Variants in DNAH3 observed in about 807,000 individuals in gnomAD.
The protein encoded by DNAH3 is dynein axonemal heavy chain 3.
In DNAH3, 332 loss-of-function variants were observed where a neutral mutation model predicts 432.5. The ratio of observed to expected loss-of-function variants is 0.77; its 90% CI spans 0.70 to 0.84. The LOEUF (loss-of-function observed/expected upper bound fraction) is 0.84. Ranked by LOEUF, DNAH3 falls within the 40% of genes least tolerant of loss-of-function variation. The pLI is 0.00. For synonymous variants in DNAH3, 1,956 were observed against 1,900.2 expected (o/e 1.03, Z -0.76); for missense variants, 4,861 against 5,114.0 (o/e 0.95, Z 1.51).
chr16:21,151,951 T>C (rs1240243186), intron 1 of DNAH3, among the ~76,000 whole-genome samples: 1 of 151,974 alleles, frequency 6.6e-6, no homozygotes, highest in Non-Finnish European at 1.5e-5. Context: ...CTGAGAGATA[T>C]GGGCCAGGTA....
chr16:21,067,451 A>G (rs1417117329), intron 23 of DNAH3, 32 bp from the exon 24 acceptor site: 4 of 1,611,472 alleles, frequency 2.5e-6, no homozygotes, highest in East Asian at 2.2e-5. Flanking sequence ...GAGACTCATC[A>G]TAAGGTTCCC....
At chr16:20,957,832 A>C (rs1327513415) in intron 54 of DNAH3, among the ~76,000 whole-genome samples, 1 of 83,768 alleles carries the variant, frequency 1.2e-5, no homozygotes, top group Non-Finnish European at 2.6e-5. Context: ...AAAAAAAAAA[A>C]AAAAAAAAAA....
chr16:21,019,886 C>T lies in DNAH3; in HGVS notation c.5777-17G>A, dbSNP rs368559642. The stretch of plus-strand genomic sequence containing the variant: ...TGATTTCATCTAAAAGTGAGAAAAG[C>T]GAATCTCAGGACAGAGTGCAGAATG... On this transcript the variant is annotated splice_polypyrimidine_tract_variant and intron_variant, in intron 40 of 61. Coordinates refer to ENST00000261383, the Ensembl canonical transcript of DNAH3. 138 of 1,612,508 alleles carry T rather than the reference C, an allele frequency of 8.6e-5. 2 individuals carry two copies. The South Asian group carries it at 1.3e-3, about 15-fold the overall frequency.
chr16:21,089,131 C>T (rs984096355), intron 18 of DNAH3, among the ~76,000 whole-genome samples: 5 of 152,306 alleles, frequency 3.3e-5, no homozygotes, highest in Admixed American at 3.3e-4. Flanking sequence ...GGGCCCCATT[C>T]CCAGAGTTTC....
exon 21 of DNAH3, chr16:21,075,546 A>C: frequency 6.2e-7 from 1 of 1,613,734 alleles, no homozygotes; most frequent in South Asian, 1.1e-5. Context: ...TGGCAGCTGC[A>C]CCAATGGGCT....
chr16:21,117,456 AT>A (rs1208285264), intron 11 of DNAH3, 117 bp from the exon 12 acceptor site: 2 of 679,298 alleles, frequency 2.9e-6, no homozygotes, highest in African/African-American at 1.8e-5. Flanking sequence ...TTTTTACTCT[AT>A]TTCCTCTTAG....
intron 11 of DNAH3, chr16:21,120,498 T>C (rs2092312096): frequency 1.8e-6 from 1 of 569,992 alleles, no homozygotes; most frequent in Non-Finnish European, 3.1e-6. Flanking sequence ...AGATTTTTCT[T>C]AGTCAACCTG....
At chr16:21,040,369 T>C (rs1231923581) in intron 32 of DNAH3, among the ~76,000 whole-genome samples, 1 of 140,356 alleles carries the variant, frequency 7.1e-6, no homozygotes, top group African/African-American at 2.7e-5. Context: ...TTTTTTTTTT[T>C]TTTTTTTTTT....
At chr16:21,049,623 C>T (rs777159480) in exon 31 of DNAH3, 2 of 1,614,204 alleles carry the variant, frequency 1.2e-6, no homozygotes, top group East Asian at 2.2e-5. Context: ...GTGCCAGCCC[C>T]TTGAAGAACT....
intron 24 of DNAH3, among the ~76,000 whole-genome samples, chr16:21,066,070 G>GC (rs1306972417): frequency 6.6e-6 from 1 of 151,638 alleles, no homozygotes; most frequent in Non-Finnish European, 1.5e-5. Flanking sequence ...CGGGTGATCC[G>GC]CCCCCTCGGC....
rs76011337 is a variant in DNAH3 at position 21,024,070 on chromosome 16, G to A, written c.5646+526C>T. 3.3e-3 allele frequency among the ~76,000 whole-genome samples: 508 copies of A among 152,132 alleles called. 5 individuals are homozygous for A. The highest frequency in any genetic ancestry group is 0.012 in the African/African-American group (481 of 41,506). On this transcript the variant is annotated intron_variant, in intron 39 of 61. Transcript: ENST00000261383. ...GGTCTGAGAGTGTGGTCAGGTACCC[G>A]CCTAACCCGAACTTTCCCACCTCTT...
At chr16:20,945,449 C>T (rs1883229743) in intron 57 of DNAH3, among the ~76,000 whole-genome samples, 1 of 152,038 alleles carries the variant, frequency 6.6e-6, no homozygotes, top group Admixed American at 6.6e-5. Flanking sequence ...TGAGCAGCAA[C>T]CCATGTCATT....
intron 41 of DNAH3, among the ~76,000 whole-genome samples, chr16:21,018,027 A>G (rs1460614208): frequency 2.6e-5 from 4 of 151,698 alleles, no homozygotes; most frequent in South Asian, 2.1e-4. Flanking sequence ...ATTAATTTTA[A>G]GCATCTACAC....
chr16:20,972,778 G>C (rs963420120), intron 51 of DNAH3, among the ~76,000 whole-genome samples: 2 of 143,746 alleles, frequency 1.4e-5, no homozygotes, highest in East Asian at 4.0e-4. Context: ...ACTCAGGCTG[G>C]AGTGCAGTGG....
chr16:20,970,863 C>CTTTTTT (rs869203073), intron 51 of DNAH3, among the ~76,000 whole-genome samples: 5 of 124,090 alleles, frequency 4.0e-5, no homozygotes, highest in Admixed American at 1.7e-4. Context: ...TTTCTCTATT[C>CTTTTTT]TTTTTTTTTT....
intron 21 of DNAH3, among the ~76,000 whole-genome samples, chr16:21,073,281 T>C (rs926524632): frequency 1.3e-5 from 2 of 152,250 alleles, no homozygotes; most frequent in African/African-American, 4.8e-5. Context: ...GATCCTTGTC[T>C]GTAGTTACTT....
chr16:21,159,004 A>G (rs1420929165), intron 1 of DNAH3, among the ~76,000 whole-genome samples: 1 of 149,908 alleles, frequency 6.7e-6, no homozygotes, highest in Non-Finnish European at 1.5e-5. Context: ...ACCCCCCAAC[A>G]CACACACACA....
chr16:21,143,842 T>C (rs1016806800), intron 3 of DNAH3, among the ~76,000 whole-genome samples: 1 of 151,966 alleles, frequency 6.6e-6, no homozygotes, highest in African/African-American at 2.4e-5. Flanking sequence ...TAGAAAACCA[T>C]AAGTAATCAG....
chr16:20,973,117 TG>T (rs1208767925), intron 51 of DNAH3, among the ~76,000 whole-genome samples: 1 of 152,126 alleles, frequency 6.6e-6, no homozygotes, highest in African/African-American at 2.4e-5. Context: ...TTCTGTTAAG[TG>T]GGGGCATAGG....
Sources: allele counts gnomAD v4.1 joint callset (sites outside exome capture counted in the v4.1 genomes callset), GRCh38; gene constraint gnomAD v4.1.1; transcripts MANE v1.5; gene names NCBI Gene and HGNC (gene_info 2026-07-23, HGNC 2026-07-21).